COL4A1: variants seen among roughly 807,000 people sequenced by gnomAD.
COL4A1 encodes collagen type IV alpha 1 chain, also known as collagen alpha-1(IV) chain.
A neutral mutation model predicts 216.6 loss-of-function variants in COL4A1; 40 were observed. The ratio of observed to expected loss-of-function variants is 0.18; its 90% confidence interval spans 0.14 to 0.24. The LOEUF (loss-of-function observed/expected upper bound fraction) is 0.24, where lower values mean the gene tolerates loss of function less well. Ranked by LOEUF, COL4A1 falls within the 10% of genes least tolerant of loss-of-function variation. COL4A1 has a pLI of 1.00. For synonymous variants in COL4A1, 839 were observed against 810.7 expected, an observed-to-expected ratio of 1.03 and a Z score of -0.59; for missense variants, 1,628 against 2,196.8, an observed-to-expected ratio of 0.74 and a Z score of 5.18.
At chr13:110,261,023 C>T (rs1371202945) in intron 1 of COL4A1, among the ~76,000 whole-genome samples, 3 of 55,610 alleles carry the variant, frequency 5.4e-5, no homozygotes, top group East Asian at 7.8e-4. Flanking sequence ...GGTGACAGAG[C>T]GAGACTCCGT....
At chr13:110,167,805 G>A (rs1027990097) in intron 43 of COL4A1, among the ~76,000 whole-genome samples, 2 of 151,962 alleles carry the variant, frequency 1.3e-5, no homozygotes, top group Admixed American at 6.6e-5. Context: ...TCAACAAGTC[G>A]TTCCTTTCTC....
chr13:110,205,704 A>G (rs560318455), intron 15 of COL4A1, among the ~76,000 whole-genome samples, 166 bp from the exon 16 acceptor site: 3 of 152,238 alleles, frequency 2.0e-5, no homozygotes, highest in Admixed American at 2.0e-4. Context: ...CTCCACTAAA[A>G]ATACAAAAAT....
intron 1 of COL4A1, among the ~76,000 whole-genome samples, chr13:110,270,615 G>C (rs956517784): frequency 6.6e-6 from 1 of 152,158 alleles, no homozygotes; most frequent in African/African-American, 2.4e-5. Flanking sequence ...GGGGCAGATG[G>C]GAACGAGGTC....
chr13:110,165,029 C>A, intron 45 of COL4A1, 39 bp from the exon 46 acceptor site: 2 of 1,589,938 alleles, frequency 1.3e-6, no homozygotes, highest in South Asian at 2.3e-5. Context: ...TTTCACTGTC[C>A]ACATACTGGG....
chr13:110,170,718 C>G lies in COL4A1; in HGVS notation c.3571G>C (p.Val1191Leu). 1 of 1,614,212 alleles carries G rather than the reference C, an allele frequency of 6.2e-7. No homozygotes were observed. Among genetic ancestry groups the G allele is most frequent in the Non-Finnish European group, 8.5e-7 (1 of 1,180,036 alleles). The change falls in exon 42 of 52, where the codon GTG becomes CTG. Residue 1191 changes from valine to leucine, a missense_variant. By Grantham distance (32) the Val-to-Leu change is conservative. Coordinates refer to ENST00000375820, the MANE Select transcript of COL4A1 (RefSeq NM_001845.6). ...AKGDKGSKGE[V>L]GFPGLAGSPG... The stretch of plus-strand genomic sequence containing the variant: ...CTCCCGGCTAATCCTGGGAAACCCA[C>G]CTCACCCTTTGAACCTGAACAAGAA...
At position 110,181,341 on chromosome 13, in the gene COL4A1, C is replaced by T. The variant is rs199573161; in HGVS notation, c.2144G>A (p.Arg715His). The T allele has an allele frequency of 8.9e-5, 143 of 1,613,504 alleles. No individual in the cohort carries two copies. Among genetic ancestry groups the T allele is most frequent in the Middle Eastern group, 8.2e-4 (5 of 6,066 alleles). The part of the protein sequence containing the change: ...GDMGPPGTPG[R>H]PGFNGLPGNP... ...CCCAGGTAAGCCATTAAATCCCGGG[C>T]GACCTGGAGTCCCCGGTGGCCCCAT... The change falls in exon 29 of 52, where the codon CGC becomes CAC. Residue 715 changes from arginine (R) to histidine (H), a missense_variant. Around this residue, in one of 8 missense-constraint regions of COL4A1, gnomAD observed 701 missense variants for 892.5 expected, o/e 0.79. Coordinates refer to ENST00000375820, the MANE Select transcript of COL4A1 (RefSeq NM_001845.6).
At chr13:110,253,817 G>A (rs556099) in intron 1 of COL4A1, among the ~76,000 whole-genome samples, 74,200 of 135,432 alleles carry the variant, frequency 0.55, 21,259 homozygotes, top group East Asian at 0.71. Flanking sequence ...ATAATTATAC[G>A]TATGTATGTA....
In COL4A1 at chr13:110,219,192, C is replaced by A. The variant is rs528413292; in HGVS notation, c.145-5177G>T. 5.3e-5 allele frequency among the ~76,000 whole-genome samples: 8 copies of A among 152,300 alleles called. No individual in the cohort carries two copies. In the South Asian group the frequency reaches 6.2e-4, roughly 12 times the overall value. On this transcript the variant is annotated intron_variant, in intron 2 of 51. Coordinates refer to ENST00000375820, the MANE Select transcript of COL4A1 (RefSeq NM_001845.6). Reference sequence around the variant, plus strand: ...ACTGCCACCACAGTTTGAGGGGGGACAGATGCAAGGAGATCCCCTAGAGGG... The same window carrying A: ...ACTGCCACCACAGTTTGAGGGGGGAAAGATGCAAGGAGATCCCCTAGAGGG...
In COL4A1 at chr13:110,207,388, G is replaced by A; in HGVS notation, c.780+15C>T. 2 of 1,600,636 alleles carry A rather than the reference G, an allele frequency of 1.2e-6. No homozygotes were observed. The highest frequency in any genetic ancestry group is 2.2e-5 in the South Asian group (2 of 90,722). On this transcript the variant is annotated intron_variant, in intron 13 of 51. Coordinates refer to ENST00000375820, the MANE Select transcript of COL4A1 (RefSeq NM_001845.6). The surrounding 1 kb of genome is among the most constrained non-coding windows in gnomAD (Gnocchi z 4.4). Reference sequence around the variant, plus strand: ...AATTAGAAAATCAGTATTCACTGATGAAGCCCACTCATACCTTTTCTCCCT... The same window carrying A: ...AATTAGAAAATCAGTATTCACTGATAAAGCCCACTCATACCTTTTCTCCCT...
At chr13:110,287,368 T>C (rs950988359) in intron 1 of COL4A1, among the ~76,000 whole-genome samples, 24 of 152,084 alleles carry the variant, frequency 1.6e-4, no homozygotes, top group African/African-American at 4.3e-4. Context: ...CAGCTGCAAA[T>C]CTAAATACTC....
intron 21 of COL4A1, among the ~76,000 whole-genome samples, chr13:110,196,661 A>T (rs948462279): frequency 6.6e-6 from 1 of 152,202 alleles, no homozygotes; most frequent in Non-Finnish European, 1.5e-5. Flanking sequence ...CATTTTATGC[A>T]GTGATTATTT....
Position 110,192,246 on chromosome 13 carries a change from A to T in COL4A1, c.1504T>A (p.Leu502Met). Residue 502 changes from leucine to methionine, a missense_variant, in exon 24 of 52, where the codon TTG becomes ATG. Leu to Met is a conservative substitution (Grantham distance 15). Transcript: ENST00000375820. The stretch of plus-strand genomic sequence containing the variant: ...CCTGCAACACCATCTCTGCCAGGCA[A>T]ACCTCTGTCGCCCTTGGCCCCTGGC... ...GQPGAKGDRGLPGRDGVAGVP... is the reference protein window; with the variant it reads ...GQPGAKGDRGMPGRDGVAGVP... The T allele has an allele frequency of 6.2e-7, 1 of 1,614,188 alleles. No individual in the cohort carries two copies. The highest frequency in any genetic ancestry group is 8.5e-7 in the Non-Finnish European group (1 of 1,180,032).
In COL4A1 at chr13:110,307,013, G is replaced by A. The variant is rs1361056757; in HGVS notation, c.15C>T (p.Leu5=). ...CGGGCAGCAGCAGCAGCCAGACGCT[G>A]AGCCGGGGCCCCATGGTGGCGCGCC... MGPR[L]SVWLLLLPAA... is the part of the protein sequence containing the mutation. The change falls in exon 1 of 52, where the codon CTC becomes CTT. Residue 5 remains leucine, a synonymous_variant. Transcript: ENST00000375820. This position sits in a 1 kb window ranked among gnomAD's most constrained non-coding sequence, Gnocchi z 5.0. 1 of 1,470,838 alleles carries A rather than the reference G, an allele frequency of 6.8e-7. No homozygotes were observed. Among genetic ancestry groups the A allele is most frequent in the East Asian group, 2.9e-5 (1 of 34,262 alleles). 91.1% of individuals were successfully genotyped at this position (1,470,838 alleles called of 1,614,324 possible). A position where few individuals can be genotyped will look rare whatever the true frequency, so the allele number is the denominator to read the frequency against.
In COL4A1 at chr13:110,205,366, C is replaced by T. The variant is rs768184025; in HGVS notation, c.944G>A (p.Arg315His). Reference sequence around the variant, plus strand: ...GCCAGCGTTTACCTGCGGGCCCTGGCGGCCTATGAGTCCTGGGTACCCGGG... The same window carrying T: ...GCCAGCGTTTACCTGCGGGCCCTGGTGGCCTATGAGTCCTGGGTACCCGGG... ...GEPGYPGLIG[R>H]QGPQGEKGEA... The change falls in exon 17 of 52, where the codon CGC becomes CAC. Residue 315 changes from arginine (R) to histidine (H), a missense_variant. Physicochemically the swap from Arg to His is conservative, Grantham distance 29. Transcript: ENST00000375820. The T allele has an allele frequency of 9.9e-6, 16 of 1,613,934 alleles. No homozygotes were observed. The highest frequency in any genetic ancestry group is 6.7e-5 in the African/African-American group (5 of 74,862).
At chr13:110,273,798 G>A (rs982153586) in intron 1 of COL4A1, among the ~76,000 whole-genome samples, 37 of 152,140 alleles carry the variant, frequency 2.4e-4, no homozygotes, top group African/African-American at 8.5e-4. Context: ...TTAAATGAGG[G>A]CAACTAATCA....
intron 2 of COL4A1, among the ~76,000 whole-genome samples, chr13:110,216,415 G>A (rs1033073832): frequency 3.0e-4 from 46 of 152,228 alleles, no homozygotes; most frequent in African/African-American, 1.0e-3. Flanking sequence ...TCCAAACAGC[G>A]GCTAAAATAA....
intron 24 of COL4A1, among the ~76,000 whole-genome samples, chr13:110,188,043 G>C (rs1000368928): frequency 6.6e-6 from 1 of 152,186 alleles, no homozygotes; most frequent in Non-Finnish European, 1.5e-5. Context: ...CTAGAACGTT[G>C]CTCAGTTCCT....
At chr13:110,265,955 T>C (rs1445269562) in intron 1 of COL4A1, 2 of 151,948 alleles carry the variant, frequency 1.3e-5, no homozygotes, top group Non-Finnish European at 2.9e-5. Context: ...TGCCTGCAAG[T>C]GTGTGAGGGC....
chr13:110,160,917 C>T, intron 49 of COL4A1: 1 of 453,516 alleles, frequency 2.2e-6, no homozygotes, highest in Non-Finnish European at 4.1e-6. Context: ...TCATCTTGCC[C>T]AGGCTGGTCT....
Sources: gnomAD v4.1 joint callset for allele counts (sites outside exome capture counted in the v4.1 genomes callset) on GRCh38, gnomAD v4.1.1 for gene constraint, gnomAD v4.1.1 regional missense constraint, Gnocchi (gnomAD v3.1) non-coding constraint, MANE v1.5 for transcripts, NCBI Gene and HGNC (gene_info 2026-07-23, HGNC 2026-07-21) for gene names.